CDIN1: variants seen among roughly 807,000 people sequenced by gnomAD.
CDIN1 encodes the protein CDAN1-interacting nuclease 1.
A neutral mutation model predicts 45.3 loss-of-function variants in CDIN1; 33 were observed. The observed-to-expected ratio is 0.73, with a 90% CI of 0.55 to 0.97. CDIN1 has a LOEUF of 0.97. CDIN1 is among the 50% of genes least tolerant of loss of function. The pLI is 0.00. For synonymous variants in CDIN1, 118 were observed against 124.4 expected (o/e 0.95, Z 0.34); for missense variants, 303 against 339.4 (o/e 0.89, Z 0.84).
chr15:36,741,061 C>T (rs560145387), intron 10 of CDIN1, among the ~76,000 whole-genome samples: 134 of 152,236 alleles, frequency 8.8e-4, no homozygotes, highest in African/African-American at 3.1e-3. Context: ...CTCAACATCC[C>T]AAGTAGCTGA....
intron 10 of CDIN1, among the ~76,000 whole-genome samples, chr15:36,743,182 G>C (rs905869076): frequency 3.3e-5 from 5 of 152,122 alleles, no homozygotes; most frequent in Non-Finnish European, 4.4e-5. Flanking sequence ...TTCGGCAGTG[G>C]GAAGCCTTTG....
chr15:36,613,615 G>C (rs2038751562), intron 1 of CDIN1: 1 of 1,449,352 alleles, frequency 6.9e-7, no homozygotes, highest in South Asian at 1.1e-5. Context: ...CTGAGGCTGA[G>C]GTGGCCTCCT....
intron 2 of CDIN1, 21 bp from the exon 3 acceptor site, chr15:36,645,202 T>G (rs762820206): frequency 5.2e-6 from 8 of 1,540,696 alleles, no homozygotes; most frequent in East Asian, 2.4e-5. Flanking sequence ...TTTTTTTGTG[T>G]TGTTGTTTTT....
At position 36,692,078 on chromosome 15, in the gene CDIN1, G is replaced by C. The variant is rs533635333; in HGVS notation, c.427-48G>C. The C allele has an allele frequency of 5.7e-6, 9 of 1,579,574 alleles. No homozygotes were observed. In the Admixed American group the frequency reaches 1.6e-4, roughly 27 times the overall value. On this transcript the variant is annotated intron_variant, in intron 6 of 10. Transcript: ENST00000566621. ...TTTTAGGATATTGTTTACTGTAATA[G>C]TTTTTGTAGCCGCCCCACCCCAGAC...
intron 10 of CDIN1, among the ~76,000 whole-genome samples, chr15:36,760,796 A>G: frequency 6.6e-6 from 1 of 152,188 alleles, no homozygotes; most frequent in East Asian, 1.9e-4. Context: ...TCTTTAGGAT[A>G]ATATCCAGAT....
rs116570728 is a variant in CDIN1, at chr15:36,778,543, A to G, written c.717-29781A>G. Among the ~76,000 whole-genome samples the G allele has an allele frequency of 2.0e-3, 298 of 152,262 alleles. 1 individual carries two copies. The highest frequency in any genetic ancestry group is 6.8e-3 in the African/African-American group (281 of 41,528). On this transcript the variant is annotated intron_variant, in intron 10 of 10. Coordinates refer to ENST00000566621, the MANE Select transcript of CDIN1 (RefSeq NM_001321759.2). ...ATAGTCTCTATATGACTTGATTTTG[A>G]AATGTTTCTTAGAATTAATCAATAA...
At chr15:36,634,705 C>T (rs1250630559) in intron 1 of CDIN1, among the ~76,000 whole-genome samples, 2 of 152,072 alleles carry the variant, frequency 1.3e-5, no homozygotes, top group African/African-American at 4.8e-5. Context: ...GCTCTTATTT[C>T]GTTTCCTATT....
intron 6 of CDIN1, 47 bp downstream of exon 6, chr15:36,691,811 CT>C: frequency 2.2e-6 from 3 of 1,361,420 alleles, no homozygotes; most frequent in Non-Finnish European, 3.1e-6. Flanking sequence ...TGTTATCTGC[CT>C]AGCAGAGTAA....
At chr15:36,622,500 G>A (rs2140316920) in intron 1 of CDIN1, among the ~76,000 whole-genome samples, 1 of 152,286 alleles carries the variant, frequency 6.6e-6, no homozygotes, top group Admixed American at 6.5e-5. Context: ...ACTGGTTCCT[G>A]GCATGAGCAA....
chr15:36,724,448 T>C (rs1004277028), intron 10 of CDIN1, among the ~76,000 whole-genome samples: 2 of 152,148 alleles, frequency 1.3e-5, no homozygotes, highest in Admixed American at 1.3e-4. Flanking sequence ...GTTTTAATAT[T>C]GGTGGTGGCA....
At chr15:36,692,846 T>A (rs1037864339) in intron 7 of CDIN1, among the ~76,000 whole-genome samples, 1 of 152,190 alleles carries the variant, frequency 6.6e-6, no homozygotes, top group African/African-American at 2.4e-5. Flanking sequence ...AGTAACTACA[T>A]AAAGTAGGAC....
At chr15:36,647,988 C>T (rs568836882) in intron 3 of CDIN1, among the ~76,000 whole-genome samples, 3 of 152,050 alleles carry the variant, frequency 2.0e-5, no homozygotes, top group East Asian at 3.9e-4. Context: ...TACAGGTGCC[C>T]GCCACCACGC....
chr15:36,707,339 A>G (rs1005538779), intron 8 of CDIN1: 7 of 152,002 alleles, frequency 4.6e-5, no homozygotes, highest in African/African-American at 1.7e-4. Context: ...AGAGAGAGAA[A>G]GAGAGAGAGC....
chr15:36,701,762 C>T (rs1025170697), intron 8 of CDIN1, among the ~76,000 whole-genome samples: 1 of 152,160 alleles, frequency 6.6e-6, no homozygotes, highest in African/African-American at 2.4e-5. Flanking sequence ...GCCTCACCCT[C>T]GCCCCCATGT....
chr15:36,669,336 G>A (rs1332103850), intron 5 of CDIN1, among the ~76,000 whole-genome samples: 1 of 152,074 alleles, frequency 6.6e-6, no homozygotes, highest in Non-Finnish European at 1.5e-5. Context: ...AACAGGGGTT[G>A]ATGTTTTTAG....
At chr15:36,655,273 T>C (rs757335889) in intron 4 of CDIN1, among the ~76,000 whole-genome samples, 1 of 152,146 alleles carries the variant, frequency 6.6e-6, no homozygotes, top group East Asian at 1.9e-4. Flanking sequence ...AACAAGTATT[T>C]TATTCTTTTT....
intron 10 of CDIN1, among the ~76,000 whole-genome samples, chr15:36,768,393 T>C (rs1173380222): frequency 6.6e-6 from 1 of 152,216 alleles, no homozygotes; most frequent in Non-Finnish European, 1.5e-5. Flanking sequence ...CAACACTTGA[T>C]GCACAGACAG....
chr15:36,703,645 G>A (rs1300744147), intron 8 of CDIN1, among the ~76,000 whole-genome samples: 1 of 151,942 alleles, frequency 6.6e-6, no homozygotes, highest in Non-Finnish European at 1.5e-5. Context: ...AAGGCATTGG[G>A]GGTCAAACAC....
intron 10 of CDIN1, among the ~76,000 whole-genome samples, chr15:36,746,738 A>C (rs2044456406): frequency 1.3e-5 from 2 of 149,090 alleles, no homozygotes; most frequent in African/African-American, 5.0e-5. Flanking sequence ...TATCATTAAA[A>C]GTTGGAAACG....
Sources: gnomAD v4.1 joint callset for allele counts (sites outside exome capture counted in the v4.1 genomes callset) on GRCh38, gnomAD v4.1.1 for gene constraint, MANE v1.5 for transcripts, NCBI Gene and HGNC (gene_info 2026-07-23, HGNC 2026-07-21) for gene names.